TBC1D14: variants seen among roughly 807,000 people sequenced by gnomAD.
The protein encoded by TBC1D14 is TBC1 domain family member 14.
TBC1D14 carries 26 observed loss-of-function variants against 79.0 expected under a neutral mutation model. The ratio of observed to expected loss-of-function variants is 0.33; its 90% CI spans 0.24 to 0.46. TBC1D14 has a LOEUF of 0.46. Ranked by LOEUF, TBC1D14 falls within the 20% of genes least tolerant of loss-of-function variation. TBC1D14 has a pLI of 1.00. For missense variants in TBC1D14, 769 were observed against 887.6 expected (o/e 0.87, Z 1.70); for synonymous variants, 394 against 349.9 (o/e 1.13, Z -1.40).
chr4:7,016,466 A>T (rs1721288699), intron 12 of TBC1D14, among the ~76,000 whole-genome samples: 1 of 152,166 alleles, frequency 6.6e-6, no homozygotes, highest in Non-Finnish European at 1.5e-5. Flanking sequence ...GTGCTGGAGG[A>T]CGGGAGGGGA....
chr4:7,003,204 TAAAG>T (rs1426223688), intron 7 of TBC1D14, among the ~76,000 whole-genome samples: 11 of 152,186 alleles, frequency 7.2e-5, no homozygotes, highest in African/African-American at 2.2e-4. Context: ...TGCACACCAA[TAAAG>T]AAAGCCATGG....
chr4:6,911,513 C>T (rs956375355), intron 1 of TBC1D14, among the ~76,000 whole-genome samples: 4 of 152,230 alleles, frequency 2.6e-5, no homozygotes, highest in African/African-American at 9.6e-5. Flanking sequence ...ACCGTCTGCC[C>T]CCAGCCTACC....
chr4:6,935,093 GC>G (rs1475256248), intron 2 of TBC1D14, among the ~76,000 whole-genome samples: 1 of 152,178 alleles, frequency 6.6e-6, no homozygotes, highest in African/African-American at 2.4e-5. Context: ...CTGCATTCCA[GC>G]CTGGGTGACA....
chr4:6,933,262 C>CG (rs1711950236), intron 2 of TBC1D14, among the ~76,000 whole-genome samples: 1 of 16,424 alleles, frequency 6.1e-5, no homozygotes, highest in African/African-American at 1.9e-4. Flanking sequence ...CCCTCCCCTC[C>CG]CCTCCCTTCC....
intron 3 of TBC1D14, among the ~76,000 whole-genome samples, chr4:6,985,951 A>G (rs1011362527): frequency 1.3e-5 from 2 of 152,252 alleles, no homozygotes; most frequent in African/African-American, 4.8e-5. Flanking sequence ...TAATAAATGT[A>G]TACAGTTATG....
At chr4:6,920,707 A>G (rs1013976452) in intron 1 of TBC1D14, among the ~76,000 whole-genome samples, 1 of 152,250 alleles carries the variant, frequency 6.6e-6, no homozygotes, top group Non-Finnish European at 1.5e-5. Flanking sequence ...TATAGAGCCC[A>G]GGAGCGTGTG....
chr4:6,951,975 G>A (rs1373893204), intron 2 of TBC1D14, among the ~76,000 whole-genome samples: 2 of 152,182 alleles, frequency 1.3e-5, no homozygotes, highest in Non-Finnish European at 2.9e-5. Context: ...CTGGCGATGA[G>A]GCGGCAGGGC....
intron 2 of TBC1D14, among the ~76,000 whole-genome samples, chr4:6,930,798 C>CAA (rs35354700): frequency 1.4e-5 from 2 of 139,286 alleles, no homozygotes; most frequent in African/African-American, 2.7e-5. Flanking sequence ...ACTCCATCTC[C>CAA]AAAAAAAAAA....
intron 2 of TBC1D14, among the ~76,000 whole-genome samples, chr4:6,943,285 G>A (rs928738199): frequency 6.6e-6 from 1 of 152,220 alleles, no homozygotes; most frequent in Non-Finnish European, 1.5e-5. Context: ...GAGGAAATGG[G>A]TTTGGTGAAT....
chr4:7,010,056 C>G lies in TBC1D14; in HGVS notation c.1518+108C>G, dbSNP rs1029599598. 5 of 1,263,208 alleles carry G rather than the reference C, an allele frequency of 4.0e-6. No homozygotes were observed. The Admixed American group carries it at 8.6e-5, about 22-fold the overall frequency. The allele number at this position is 1,263,208 out of a possible 1,614,324, so 78.2% of individuals were successfully genotyped here. A position where few individuals can be genotyped will look rare whatever the true frequency, so the allele number is the denominator to read the frequency against. On this transcript the variant is annotated intron_variant, in intron 10 of 13. Coordinates refer to ENST00000409757, the MANE Select transcript of TBC1D14 (RefSeq NM_020773.3). ...GTCATGCCAGTGCCTTCGTTTTTGC[C>G]GAGGAGTATGAAAAGTCTCGTGGTA...
chr4:6,927,602 G>T (rs1328102024), intron 2 of TBC1D14, among the ~76,000 whole-genome samples: 1 of 152,190 alleles, frequency 6.6e-6, no homozygotes, highest in East Asian at 1.9e-4. Context: ...TCTTGCTGAA[G>T]TCAAGAGCAG....
At position 7,010,676 on chromosome 4, in the gene TBC1D14, A is replaced by G. The variant is rs781752019; in HGVS notation, c.1542A>G (p.Ala514=). ...VGYVQGMSFI[A]AVLILNLDTA... ...AGGTCCAGGGCATGTCCTTCATAGCAGCAGTGTTGATCTTGAACTTAGATA... is the reference window on the plus strand; with the variant it reads ...AGGTCCAGGGCATGTCCTTCATAGCGGCAGTGTTGATCTTGAACTTAGATA... The change falls in exon 11 of 14, where the codon GCA becomes GCG. Residue 514 remains alanine, a synonymous_variant. Transcript: ENST00000409757. The G allele has an allele frequency of 1.2e-6, 2 of 1,614,072 alleles. No homozygotes were observed. Among genetic ancestry groups the G allele is most frequent in the South Asian group, 2.2e-5 (2 of 91,074 alleles).
At chr4:7,015,637 A>G (rs73799053) in intron 12 of TBC1D14, among the ~76,000 whole-genome samples, 1,994 of 152,236 alleles carry the variant, frequency 0.013, 42 homozygotes, top group African/African-American at 0.045. Context: ...AGGGCCAGGT[A>G]AGAGGGCTGG....
rs996221647 is a variant in TBC1D14, at chr4:7,021,918, G to A, written c.1758-3086G>A. Reference sequence around the variant, plus strand: ...AGGTGGACCTTGAACCAGGAGGGCCGTGTGGACAGTAGCCCCCTTGTTCCG... The same window carrying A: ...AGGTGGACCTTGAACCAGGAGGGCCATGTGGACAGTAGCCCCCTTGTTCCG... On this transcript the variant is annotated intron_variant, in intron 12 of 13. Coordinates refer to ENST00000409757, the MANE Select transcript of TBC1D14 (RefSeq NM_020773.3). 2.0e-5 allele frequency among the ~76,000 whole-genome samples: 3 copies of A among 152,334 alleles called. No individual in the cohort carries two copies. The South Asian group carries it at 6.2e-4, about 32-fold the overall frequency.
intron 9 of TBC1D14, chr4:7,007,699 C>T (rs1027583672): frequency 2.1e-6 from 2 of 934,636 alleles, no homozygotes; most frequent in Admixed American, 5.1e-5. Flanking sequence ...TTTCCTGGAA[C>T]CCTGCTTCTC....
At chr4:6,963,183 C>T (rs59683609) in intron 2 of TBC1D14, among the ~76,000 whole-genome samples, 8 of 152,184 alleles carry the variant, frequency 5.3e-5, no homozygotes, top group East Asian at 3.9e-4. Context: ...CTTCCCATGT[C>T]GGGGGTGGGA....
At chr4:6,995,127 C>T (rs1200638936) in intron 4 of TBC1D14, among the ~76,000 whole-genome samples, 1 of 152,144 alleles carries the variant, frequency 6.6e-6, no homozygotes, top group East Asian at 1.9e-4. Context: ...CTCCTTTTAC[C>T]CTAGTGCCAG....
chr4:6,914,923 C>A (rs540919485), intron 1 of TBC1D14, among the ~76,000 whole-genome samples: 1 of 152,282 alleles, frequency 6.6e-6, no homozygotes, highest in African/African-American at 2.4e-5. Context: ...GCTGTAATCC[C>A]AGCTACTCAG....
intron 2 of TBC1D14, among the ~76,000 whole-genome samples, chr4:6,926,726 C>T (rs1724327120): frequency 6.6e-6 from 1 of 152,194 alleles, no homozygotes; most frequent in African/African-American, 2.4e-5. Context: ...TTAGAGCTCA[C>T]TAAACATTTT....
Sources: gnomAD v4.1 joint callset for allele counts (sites outside exome capture counted in the v4.1 genomes callset) on GRCh38, gnomAD v4.1.1 for gene constraint, MANE v1.5 for transcripts, NCBI Gene and HGNC (gene_info 2026-07-23, HGNC 2026-07-21) for gene names.